Variants in KIF21B observed in about 807,000 individuals in gnomAD.
The protein encoded by KIF21B is kinesin-like protein KIF21B.
KIF21B carries 85 observed loss-of-function variants against 192.9 expected under a neutral mutation model. The ratio of observed to expected loss-of-function variants is 0.44; its 90% CI spans 0.37 to 0.53. KIF21B has a LOEUF of 0.53. Ranked by LOEUF, KIF21B falls within the 20% of genes least tolerant of loss-of-function variation. KIF21B has a pLI of 0.00. For synonymous variants in KIF21B, 832 were observed against 884.6 expected, an observed-to-expected ratio of 0.94 and a Z score of 1.05; for missense variants, 1,716 against 2,194.8, an observed-to-expected ratio of 0.78 and a Z score of 4.36.
chr1:200,973,726 G>A, intron 34 of KIF21B, 148 bp from the exon 35 acceptor site: 4 of 1,479,620 alleles, frequency 2.7e-6, no homozygotes, highest in Non-Finnish European at 3.6e-6. Context: ...CGGGGAGGTG[G>A]ACTGCAGGTG....
chr1:200,985,255 A>C (rs1210656806), intron 26 of KIF21B, among the ~76,000 whole-genome samples: 2 of 152,098 alleles, frequency 1.3e-5, no homozygotes, highest in Non-Finnish European at 2.9e-5. Flanking sequence ...TGAAAGGCCG[A>C]GGTGGGAGGA....
intron 1 of KIF21B, among the ~76,000 whole-genome samples, chr1:201,015,402 G>A (rs919581603): frequency 2.0e-5 from 3 of 152,350 alleles, no homozygotes; most frequent in East Asian, 1.9e-4. Context: ...CCCCAGGGGG[G>A]CTAAAAGCAT....
intron 15 of KIF21B, among the ~76,000 whole-genome samples, chr1:200,995,087 G>A (rs541346278): frequency 2.2e-4 from 34 of 152,366 alleles, no homozygotes; most frequent in African/African-American, 7.7e-4. Context: ...GCCTGCCCAG[G>A]TGAGGTGGCT....
intron 17 of KIF21B, among the ~76,000 whole-genome samples, chr1:200,991,383 T>C (rs2297907): frequency 0.04 from 6,161 of 152,324 alleles, 256 homozygotes; most frequent in East Asian, 0.12. Context: ...GCCTGCAGTC[T>C]GCCCTGCAGC....
In KIF21B at chr1:200,974,881, G is replaced by A. The variant is rs150039989; in HGVS notation, c.4647C>T (p.Cys1549=). 29 of 1,614,022 alleles carry A rather than the reference G, an allele frequency of 1.8e-5. No homozygotes were observed. In the East Asian group the frequency reaches 4.2e-4, roughly 24 times the overall value. Residue 1549 remains cysteine, a synonymous_variant, in exon 34 of 35, where the codon TGC becomes TGT. Coordinates refer to ENST00000461742, the MANE Select transcript of KIF21B (RefSeq NM_001252102.2). ...GGCGGCCCGGGATGAAGGCCAGGGC[G>A]CACACCCAGTCCTTGTGCGCATTGG... The part of the protein sequence containing the change: ...QIPNAHKDWV[C]ALAFIPGRPM...
chr1:201,012,312 C>T (rs1025709955), intron 1 of KIF21B, among the ~76,000 whole-genome samples: 1 of 152,152 alleles, frequency 6.6e-6, no homozygotes, highest in Non-Finnish European at 1.5e-5. Context: ...GTTGAGTCAC[C>T]AATTCCCCAA....
Position 201,000,806 on chromosome 1 carries a change from G to A in KIF21B, c.1403-26C>T, listed in dbSNP as rs1657447773. ...CTGGAGTGGGACGGCGGGAAGAAGG[G>A]TGCGATAAAGAAGATAAATAGGCCA... On this transcript the variant is annotated intron_variant, in intron 9 of 34. Transcript: ENST00000461742. The surrounding 1 kb of genome is among the most constrained non-coding windows in gnomAD (Gnocchi z 6.0). The A allele has an allele frequency of 1.9e-6, 3 of 1,613,606 alleles. No individual in the cohort carries two copies. Among genetic ancestry groups the A allele is most frequent in the African/African-American group, 1.3e-5 (1 of 75,030 alleles).
intron 34 of KIF21B, chr1:200,973,826 C>T (rs770916978): frequency 1.2e-4 from 176 of 1,429,284 alleles, no homozygotes; most frequent in Middle Eastern, 5.1e-4. Flanking sequence ...GGGGGTGTTT[C>T]GTTTTGTCCA....
At chr1:201,003,488 G>A in intron 8 of KIF21B, 98 bp downstream of exon 8, 5 of 1,197,482 alleles carry the variant, frequency 4.2e-6, no homozygotes, top group South Asian at 1.2e-5. Flanking sequence ...GAGGTGGGAG[G>A]GATGCTGAGG....
In KIF21B at chr1:200,998,584, G is replaced by A. The variant is rs780364629; in HGVS notation, c.1886-9C>T. On this transcript the variant is annotated splice_polypyrimidine_tract_variant and intron_variant, in intron 13 of 34. Transcript: ENST00000461742. This position sits in a 1 kb window ranked among gnomAD's most constrained non-coding sequence, Gnocchi z 4.3. ...CGCCTGGAAGTTCACCTCTATGGGG[G>A]CACAATCAGGCTCAGCCCAGCGTTA... 55 of 1,611,354 alleles carry A rather than the reference G, an allele frequency of 3.4e-5. No individual in the cohort carries two copies. In the Admixed American group the frequency reaches 8.7e-4, roughly 25 times the overall value.
intron 3 of KIF21B, among the ~76,000 whole-genome samples, chr1:201,007,375 G>GACACAC (rs1244724038): frequency 4.7e-5 from 2 of 42,424 alleles, no homozygotes; most frequent in African/African-American, 4.2e-4. Context: ...CACACACAGA[G>GACACAC]ACAGAGACAC....
intron 3 of KIF21B, among the ~76,000 whole-genome samples, chr1:201,007,725 CACAT>C (rs1215414807): frequency 6.6e-6 from 1 of 151,344 alleles, no homozygotes; most frequent in Non-Finnish European, 1.5e-5. Context: ...CACATAGACA[CACAT>C]ACACACACAC....
chr1:201,020,190 C>T (rs1658736904), intron 1 of KIF21B, among the ~76,000 whole-genome samples: 1 of 152,202 alleles, frequency 6.6e-6, no homozygotes, highest in African/African-American at 2.4e-5. Context: ...GAGGTCTCCC[C>T]TCATGGTGGG....
chr1:200,991,050 C>T lies in KIF21B; in HGVS notation c.2554G>A (p.Ala852Thr). 1 of 1,614,156 alleles carries T rather than the reference C, an allele frequency of 6.2e-7. No individual in the cohort carries two copies. Among genetic ancestry groups the T allele is most frequent in the Non-Finnish European group, 8.5e-7 (1 of 1,180,048 alleles). The change falls in exon 18 of 35, where the codon GCC becomes ACC. Residue 852 changes from alanine to threonine, a missense_variant. Ala to Thr is a moderately conservative substitution (Grantham distance 58, BLOSUM62 0). Around this residue, in one of 3 missense-constraint regions of KIF21B, gnomAD observed 1,087 missense variants for 1,316.6 expected, o/e 0.83. Coordinates refer to ENST00000461742, the MANE Select transcript of KIF21B (RefSeq NM_001252102.2). ...TCAGCCTCAGATGAGGTAGTGCTGG[C>T]CGACACCTCAGCCCCAGAGTCCAGC... Reference protein sequence around the residue: ...PMLDSGAEVSASTTSSEAESG... With the variant: ...PMLDSGAEVSTSTTSSEAESG...
Position 200,975,059 on chromosome 1 carries a change from G to A in KIF21B, c.4615-146C>T. ...CACGGGCGGGTGACACTGGTTCCAGGAGCCATGCTGGGGTGGCCTGTGCTG... is the reference window on the plus strand; with the variant it reads ...CACGGGCGGGTGACACTGGTTCCAGAAGCCATGCTGGGGTGGCCTGTGCTG... On this transcript the variant is annotated intron_variant, in intron 33 of 34. Transcript: ENST00000461742. This position sits in a 1 kb window ranked among gnomAD's most constrained non-coding sequence, Gnocchi z 4.3. 1 of 776,108 alleles carries A rather than the reference G, an allele frequency of 1.3e-6. No individual in the cohort carries two copies. The highest frequency in any genetic ancestry group is 2.6e-5 in the East Asian group (1 of 37,852). The allele number at this position is 776,108 out of a possible 1,614,324, so 48.1% of individuals were successfully genotyped here.
At chr1:200,983,745 C>T (rs1656105584) in intron 27 of KIF21B, among the ~76,000 whole-genome samples, 2 of 152,316 alleles carry the variant, frequency 1.3e-5, no homozygotes, top group South Asian at 4.1e-4. Flanking sequence ...TTGATTGTAA[C>T]AACATGGAGA....
In KIF21B at chr1:200,990,421, G is replaced by T; in HGVS notation, c.2836-89C>A. ...TGCCCATAGCTTCCACCACAGGCTGGCCTGTGAGGTCCCCCCAGCACCTCT... is the reference window on the plus strand; with the variant it reads ...TGCCCATAGCTTCCACCACAGGCTGTCCTGTGAGGTCCCCCCAGCACCTCT... On this transcript the variant is annotated intron_variant, in intron 19 of 34. Transcript: ENST00000461742. This position sits in a 1 kb window ranked among gnomAD's most constrained non-coding sequence, Gnocchi z 5.4. The T allele has an allele frequency of 2.7e-6, 4 of 1,476,330 alleles. No individual in the cohort carries two copies. The South Asian group carries it at 3.8e-5, about 14-fold the overall frequency. 91.5% of individuals were successfully genotyped at this position (1,476,330 alleles called of 1,614,324 possible). A position where few individuals can be genotyped will look rare whatever the true frequency, so the allele number is the denominator to read the frequency against.
At chr1:201,007,266 A>G (rs1285534604) in intron 3 of KIF21B, among the ~76,000 whole-genome samples, 1 of 147,588 alleles carries the variant, frequency 6.8e-6, no homozygotes, top group African/African-American at 2.5e-5. Context: ...ACACAGACAC[A>G]CACACGCAGA....
chr1:200,998,487 C>T lies in KIF21B; in HGVS notation c.1974G>A (p.Arg658=). 2 of 1,614,090 alleles carry T rather than the reference C, an allele frequency of 1.2e-6. No individual in the cohort carries two copies. The highest frequency in any genetic ancestry group is 1.7e-6 in the Non-Finnish European group (2 of 1,180,032). ...KLIDELENSQ[R]RLQTLKHQYE... ...ACTGGTGCTTGAGCGTCTGCAACCG[C>T]CGCTGGCTGTTCTCCAGCTCGTCGA... Residue 658 remains arginine (R), a synonymous_variant, in exon 14 of 35, where the codon CGG becomes CGA. Transcript: ENST00000461742. This position sits in a 1 kb window ranked among gnomAD's most constrained non-coding sequence, Gnocchi z 4.3.
Sources: allele counts gnomAD v4.1 joint callset (sites outside exome capture counted in the v4.1 genomes callset), GRCh38; gene constraint gnomAD v4.1.1; regional missense constraint gnomAD v4.1.1; non-coding constraint Gnocchi (gnomAD v3.1); transcripts MANE v1.5; gene names NCBI Gene and HGNC (gene_info 2026-07-23, HGNC 2026-07-21).